Variants in THADA observed in about 807,000 individuals in gnomAD.
THADA encodes THADA armadillo repeat containing.
Under a neutral mutation model 219.8 loss-of-function variants are expected in THADA, and 213 were observed. That is an observed-to-expected ratio of 0.97 (90% CI 0.87 to 1.09). THADA has a LOEUF of 1.09. Among genes scored for constraint, THADA ranks in the 50% least tolerant of loss-of-function variants. The probability of loss-of-function intolerance (pLI) is 0.00; values close to 1 mark genes in which losing one functional copy is unlikely to be tolerated. For synonymous variants in THADA, 1,018 were observed against 828.9 expected (o/e 1.23, Z -3.92); for missense variants, 2,956 against 2,311.3 (o/e 1.28, Z -5.72).
At chr2:43,492,732 T>C (rs1198091174) in intron 25 of THADA, among the ~76,000 whole-genome samples, 1 of 152,180 alleles carries the variant, frequency 6.6e-6, no homozygotes, top group East Asian at 1.9e-4. Flanking sequence ...CACAAGTCTA[T>C]CATCTGTAAT....
rs989330569 is a variant in THADA at position 43,576,100 on chromosome 2, A to G, written c.1037+922T>C. Among the ~76,000 whole-genome samples, 3 of 152,246 alleles carry G rather than the reference A, an allele frequency of 2.0e-5. No individual in the cohort carries two copies. In the South Asian group the frequency reaches 6.2e-4, roughly 31 times the overall value. On this transcript the variant is annotated intron_variant, in intron 10 of 37. Transcript: ENST00000405975. The stretch of plus-strand genomic sequence containing the variant: ...TTTCAGGAAAAAAATTTTTAAAGAA[A>G]AAATATAGCAAAGAGAATATTAAAA...
At chr2:43,326,878 G>C (rs186686100) in intron 30 of THADA, among the ~76,000 whole-genome samples, 6 of 152,298 alleles carry the variant, frequency 3.9e-5, no homozygotes, top group Admixed American at 2.0e-4. Flanking sequence ...CATCTTCAGA[G>C]GGCTGGAAAC....
chr2:43,248,224 G>C (rs1451213538), intron 36 of THADA, among the ~76,000 whole-genome samples: 5 of 143,876 alleles, frequency 3.5e-5, no homozygotes, highest in Admixed American at 1.4e-4. Flanking sequence ...GACAGAGAGA[G>C]AGAGAGACAG....
rs1700096668 is a variant in THADA, at chr2:43,578,569, C to T, written c.760G>A (p.Ala254Thr). The T allele has an allele frequency of 1.2e-6, 2 of 1,612,682 alleles. No individual in the cohort carries two copies. The highest frequency in any genetic ancestry group is 1.3e-5 in the African/African-American group (1 of 74,862). ...LQTVQSTSGLAIILFIKTMFH... is the reference protein window; with the variant it reads ...LQTVQSTSGLTIILFIKTMFH... ...ATAGTCTTAATAAAAAGAATAATAG[C>T]TAATCCAGATGTGCTCTGTACAGTC... The change falls in exon 9 of 38, where the codon GCT (alanine) becomes ACT (threonine). Residue 254 changes from alanine to threonine, a missense_variant. Coordinates refer to ENST00000405975, the MANE Select transcript of THADA (RefSeq NM_022065.5).
At chr2:43,566,574 T>A (rs1040430866) in intron 15 of THADA, 124 bp downstream of exon 15, 2 of 1,032,854 alleles carry the variant, frequency 1.9e-6, no homozygotes, top group South Asian at 2.7e-5. Context: ...GCAAGAATTA[T>A]AAGGTAAGAA....
chr2:43,355,400 T>C (rs997531526), intron 29 of THADA, among the ~76,000 whole-genome samples: 7 of 152,246 alleles, frequency 4.6e-5, no homozygotes, highest in Non-Finnish European at 1.0e-4. Flanking sequence ...GCACTCATTA[T>C]TGCCGGTGTC....
At chr2:43,399,143 C>T (rs1309298970) in intron 28 of THADA, among the ~76,000 whole-genome samples, 5 of 152,136 alleles carry the variant, frequency 3.3e-5, no homozygotes, top group Non-Finnish European at 5.9e-5. Flanking sequence ...ATGCTAAGTA[C>T]CAGCTTAACT....
chr2:43,379,346 A>G (rs1183941609), intron 29 of THADA, among the ~76,000 whole-genome samples: 3 of 152,224 alleles, frequency 2.0e-5, no homozygotes, highest in African/African-American at 7.2e-5. Flanking sequence ...GTAAAAGGAA[A>G]GAAAACAAGA....
intron 31 of THADA, among the ~76,000 whole-genome samples, chr2:43,319,276 C>T (rs1467560984): frequency 2.0e-5 from 3 of 152,086 alleles, no homozygotes; most frequent in Non-Finnish European, 4.4e-5. Flanking sequence ...TGGTCACTTT[C>T]AAGAGTAAAA....
chr2:43,556,559 G>C lies in THADA; in HGVS notation c.2464-4C>G, dbSNP rs1315054252. On this transcript the variant is annotated splice_polypyrimidine_tract_variant and splice_region_variant and intron_variant, in intron 16 of 37. Transcript: ENST00000405975. ...AGCCTTGCAGTTTCCCCGAATCCTA[G>C]AATAAAGCGCAGACTCAGTAACTGT... 1.9e-6 allele frequency: 3 copies of C among 1,612,776 alleles called. No homozygotes were observed. The highest frequency in any genetic ancestry group is 2.5e-6 in the Non-Finnish European group (3 of 1,179,288).
intron 27 of THADA, among the ~76,000 whole-genome samples, chr2:43,428,697 C>T (rs1678838438): frequency 6.6e-6 from 1 of 151,984 alleles, no homozygotes; most frequent in African/African-American, 2.4e-5. Flanking sequence ...TTCTTATCTC[C>T]CAAATGTGCA....
chr2:43,292,315 G>A, intron 32 of THADA, 93 bp from the exon 33 acceptor site: 1 of 814,096 alleles, frequency 1.2e-6, no homozygotes, highest in Non-Finnish European at 1.9e-6. Flanking sequence ...ATCAACAAGA[G>A]GTCTACCTTT....
At chr2:43,270,791 G>C (rs1672029315) in intron 36 of THADA, among the ~76,000 whole-genome samples, 3 of 152,198 alleles carry the variant, frequency 2.0e-5, no homozygotes, top group Non-Finnish European at 4.4e-5. Flanking sequence ...AGACTGCAGT[G>C]AGCTACAAGT....
At chr2:43,371,007 C>A (rs1370965477) in intron 29 of THADA, among the ~76,000 whole-genome samples, 1 of 152,204 alleles carries the variant, frequency 6.6e-6, no homozygotes, top group Non-Finnish European at 1.5e-5. Flanking sequence ...AATCAAAGAA[C>A]AAGATTAATG....
intron 29 of THADA, among the ~76,000 whole-genome samples, chr2:43,354,697 T>C (rs951611011): frequency 4.6e-5 from 7 of 152,206 alleles, no homozygotes; most frequent in African/African-American, 1.4e-4. Flanking sequence ...CTCATTCTTT[T>C]TTATGCCTGA....
chr2:43,458,894 CTTAT>C (rs1220254219), intron 26 of THADA, among the ~76,000 whole-genome samples: 17 of 151,944 alleles, frequency 1.1e-4, no homozygotes, highest in African/African-American at 4.1e-4. Context: ...TTTTAATGTA[CTTAT>C]TTAACAAAAT....
intron 29 of THADA, among the ~76,000 whole-genome samples, chr2:43,350,459 G>A (rs1668125555): frequency 6.6e-6 from 1 of 152,218 alleles, no homozygotes; most frequent in South Asian, 2.1e-4. Flanking sequence ...TCCAGTGTGG[G>A]CTAGGATTTG....
At chr2:43,239,131 T>C (rs1347801415) in intron 36 of THADA, among the ~76,000 whole-genome samples, 1 of 152,208 alleles carries the variant, frequency 6.6e-6, no homozygotes, top group Non-Finnish European at 1.5e-5. Flanking sequence ...GCATTTAGAA[T>C]TGGTTAATCT....
chr2:43,578,666 A>G lies in THADA; in HGVS notation c.722-59T>C, dbSNP rs1308178040. On this transcript the variant is annotated intron_variant, in intron 8 of 37. Coordinates refer to ENST00000405975, the MANE Select transcript of THADA (RefSeq NM_022065.5). ...AATAATGAATATTCTGGTAGAGTGG[A>G]AAGAGCAGATGCTGAGCAGCCAGAT... The G allele has an allele frequency of 4.6e-6, 6 of 1,306,672 alleles. No homozygotes were observed. The African/African-American group carries it at 9.0e-5, about 20-fold the overall frequency. The allele number at this position is 1,306,672 out of a possible 1,614,324, so 80.9% of individuals were successfully genotyped here.
Sources: gnomAD v4.1 joint callset for allele counts (sites outside exome capture counted in the v4.1 genomes callset) on GRCh38, gnomAD v4.1.1 for gene constraint, MANE v1.5 for transcripts, NCBI Gene and HGNC (gene_info 2026-07-23, HGNC 2026-07-21) for gene names.